The following WASF3 variants were observed in gnomAD, a reference collection of about 807,000 sequenced individuals.
WASF3 encodes the protein WASP family member 3.
Under a neutral mutation model 46.6 loss-of-function variants are expected in WASF3, and 11 were observed. The observed-to-expected ratio is 0.24, with a 90% CI of 0.15 to 0.39. The LOEUF is 0.39. Ranked by LOEUF, WASF3 falls within the 10% of genes least tolerant of loss-of-function variation. The pLI, the probability that WASF3 is intolerant of heterozygous loss-of-function variation, is 1.00. For missense variants in WASF3, 576 were observed against 669.8 expected, an observed-to-expected ratio of 0.86 and a Z score of 1.55; for synonymous variants, 242 against 259.7, an observed-to-expected ratio of 0.93 and a Z score of 0.65.
intron 1 of WASF3, among the ~76,000 whole-genome samples, chr13:26,581,094 C>T (rs1047932725): frequency 2.6e-5 from 4 of 151,982 alleles, no homozygotes; most frequent in African/African-American, 9.7e-5. Context: ...CCATGCCTGG[C>T]TAATTTTTTG....
intron 1 of WASF3, among the ~76,000 whole-genome samples, chr13:26,560,129 A>C (rs1879252125): frequency 6.7e-6 from 1 of 149,838 alleles, no homozygotes; most frequent in African/African-American, 2.5e-5. Context: ...GAATCTCTCA[A>C]CTTCTCTTCT....
intron 3 of WASF3, among the ~76,000 whole-genome samples, chr13:26,645,229 G>A (rs1882115097): frequency 6.6e-6 from 1 of 152,088 alleles, no homozygotes; most frequent in Admixed American, 6.5e-5. Flanking sequence ...TATTAAAAAG[G>A]CCTGAGAGAG....
intron 1 of WASF3, among the ~76,000 whole-genome samples, chr13:26,598,153 C>T (rs1593139389): frequency 6.6e-6 from 1 of 152,184 alleles, no homozygotes; most frequent in Non-Finnish European, 1.5e-5. Flanking sequence ...CTAATGATCG[C>T]CATTCTAACC....
rs902615754 is a variant in WASF3, at chr13:26,630,380, A to G, written c.-10-11881A>G. Among the ~76,000 whole-genome samples the G allele has an allele frequency of 4.6e-5, 7 of 152,084 alleles. No homozygotes were observed. The East Asian group carries it at 5.8e-4, about 13-fold the overall frequency. On this transcript the variant is annotated intron_variant, in intron 2 of 9. Transcript: ENST00000335327. ...TGTGTCCAAGTGTTCTCATTGTTCA[A>G]TTCCCACCTATGAGTGAGAACATGC...
chr13:26,644,989 C>T (rs1362638738), intron 3 of WASF3, among the ~76,000 whole-genome samples: 1 of 152,164 alleles, frequency 6.6e-6, no homozygotes, highest in Non-Finnish European at 1.5e-5. Context: ...TTGAGTGCAT[C>T]TGGGGCTTAC....
chr13:26,673,959 G>A (rs185536180), intron 6 of WASF3, among the ~76,000 whole-genome samples: 37 of 152,164 alleles, frequency 2.4e-4, no homozygotes, highest in Non-Finnish European at 4.4e-4. Context: ...AAGGTGCTAC[G>A]GGGAGGCTGG....
chr13:26,648,753 C>G (rs1219473440), intron 3 of WASF3, among the ~76,000 whole-genome samples: 1 of 152,042 alleles, frequency 6.6e-6, no homozygotes, highest in Non-Finnish European at 1.5e-5. Flanking sequence ...ACAAAGAAAG[C>G]CAGTGCAGGT....
At chr13:26,584,390 C>T (rs1380967163) in intron 1 of WASF3, among the ~76,000 whole-genome samples, 3 of 152,122 alleles carry the variant, frequency 2.0e-5, no homozygotes, top group Non-Finnish European at 4.4e-5. Context: ...AAAAAGGTGA[C>T]CTTAATTTCC....
At position 26,614,320 on chromosome 13, in the gene WASF3, C is replaced by T. The variant is rs535133987; in HGVS notation, c.-11+1262C>T. On this transcript the variant is annotated intron_variant, in intron 2 of 9. Transcript: ENST00000335327. The stretch of plus-strand genomic sequence containing the variant: ...AATTTTTCAGGAATGTATCTGTGTT[C>T]TCTGACCAAGTTTAATTAAGCTAGA... Among the ~76,000 whole-genome samples, 6 of 152,226 alleles carry T rather than the reference C, an allele frequency of 3.9e-5. No individual in the cohort carries two copies. In the East Asian group the frequency reaches 5.8e-4, roughly 15 times the overall value.
chr13:26,552,539 G>C, the WASF3 span, among the ~76,000 whole-genome samples: 1 of 152,192 alleles, frequency 6.6e-6, no homozygotes, highest in African/African-American at 2.4e-5. Flanking sequence ...GCTCGGGTAA[G>C]TGAAGTATGT....
intron 3 of WASF3, among the ~76,000 whole-genome samples, chr13:26,653,820 T>C (rs1470702549): frequency 6.6e-6 from 1 of 152,226 alleles, no homozygotes; most frequent in African/African-American, 2.4e-5. Flanking sequence ...TATATACAAC[T>C]GTACAACTGT....
intron 2 of WASF3, among the ~76,000 whole-genome samples, chr13:26,622,346 A>C (rs1453752117): frequency 6.6e-6 from 1 of 152,176 alleles, no homozygotes; most frequent in Non-Finnish European, 1.5e-5. Context: ...ACCTCTACCT[A>C]CCAGTAATAT....
Position 26,650,975 on chromosome 13 carries a change from G to C in WASF3, c.133+8572G>C, listed in dbSNP as rs140299282. 5.8e-3 allele frequency among the ~76,000 whole-genome samples: 881 copies of C among 152,270 alleles called. 7 individuals are homozygous for C. Among genetic ancestry groups the C allele is most frequent in the Non-Finnish European group, 9.7e-3 (661 of 68,018 alleles). ...GAAGGAATAGAGCAGAAGTAGTAAT[G>C]GAAGATAAGTTTTGAATATTGATGA... On this transcript the variant is annotated intron_variant, in intron 3 of 9. Coordinates refer to ENST00000335327, the MANE Select transcript of WASF3 (RefSeq NM_006646.6).
At chr13:26,627,917 T>A (rs581728) in intron 2 of WASF3, among the ~76,000 whole-genome samples, 44,475 of 149,104 alleles carry the variant, frequency 0.3, 7,030 homozygotes, top group East Asian at 0.57. Context: ...AAAAATAAAA[T>A]AAAATAAAAT....
At chr13:26,542,471 T>C in the WASF3 span, among the ~76,000 whole-genome samples, 1 of 152,174 alleles carries the variant, frequency 6.6e-6, no homozygotes, top group Non-Finnish European at 1.5e-5. Context: ...TTTGCTAGAG[T>C]TTTGTTTTAT....
intron 1 of WASF3, among the ~76,000 whole-genome samples, chr13:26,573,933 AATCT>A (rs1246975335): frequency 3.9e-5 from 6 of 152,080 alleles, no homozygotes; most frequent in Non-Finnish European, 8.8e-5. Flanking sequence ...TTTGTTTTTA[AATCT>A]TTCATTCAAC....
intron 1 of WASF3, among the ~76,000 whole-genome samples, chr13:26,566,421 T>G (rs1879466112): frequency 6.6e-6 from 1 of 152,184 alleles, no homozygotes; most frequent in Non-Finnish European, 1.5e-5. Flanking sequence ...AGACCAGAAA[T>G]GAATACATCA....
At chr13:26,596,861 C>T (rs756920041) in intron 1 of WASF3, among the ~76,000 whole-genome samples, 6 of 152,136 alleles carry the variant, frequency 3.9e-5, no homozygotes, top group Non-Finnish European at 8.8e-5. Flanking sequence ...TCTGCTATGT[C>T]CAGTTTTCTG....
chr13:26,671,692 T>C (rs1882928751), intron 5 of WASF3, among the ~76,000 whole-genome samples, 180 bp from the exon 6 acceptor site: 1 of 152,256 alleles, frequency 6.6e-6, no homozygotes, highest in Non-Finnish European at 1.5e-5. Context: ...AACAGGTTGC[T>C]ATTTTATGTT....
Sources: allele counts gnomAD v4.1 joint callset (sites outside exome capture counted in the v4.1 genomes callset), GRCh38; gene constraint gnomAD v4.1.1; transcripts MANE v1.5; gene names NCBI Gene and HGNC (gene_info 2026-07-23, HGNC 2026-07-21).